ZMIZ1: variants seen among roughly 807,000 people sequenced by gnomAD.
The protein encoded by ZMIZ1 is zinc finger MIZ domain-containing protein 1.
ZMIZ1 carries 17 observed loss-of-function variants against 113.9 expected under a neutral mutation model. The observed-to-expected ratio is 0.15, with a 90% CI of 0.10 to 0.22. ZMIZ1 has a LOEUF of 0.22. ZMIZ1 is among the 10% of genes least tolerant of loss of function. ZMIZ1 has a pLI of 1.00. For missense variants in ZMIZ1, 1,059 were observed against 1,477.8 expected, an observed-to-expected ratio of 0.72 and a Z score of 4.65; for synonymous variants, 607 against 603.1, an observed-to-expected ratio of 1.01 and a Z score of -0.09.
chr10:79,246,635 G>C (rs1205868253), intron 7 of ZMIZ1, among the ~76,000 whole-genome samples: 2 of 152,132 alleles, frequency 1.3e-5, no homozygotes, highest in African/African-American at 4.8e-5. Flanking sequence ...CTCTTGCCCC[G>C]CCACACCGTG....
intron 18 of ZMIZ1, among the ~76,000 whole-genome samples, chr10:79,303,478 A>T (rs909297761): frequency 1.4e-5 from 2 of 147,286 alleles, no homozygotes; most frequent in Non-Finnish European, 3.0e-5. Flanking sequence ...AAAAAAAAAA[A>T]TTGGGATGGA....
chr10:79,307,451 C>T lies in ZMIZ1; in HGVS notation c.2715C>T (p.Asn905=). Reference sequence around the variant, plus strand: ...GCAACTTTGACTTCCCCCACGGGAACCCTGGAGGGACATCCATGAATGACT... The same window carrying T: ...GCAACTTTGACTTCCCCCACGGGAATCCTGGAGGGACATCCATGAATGACT... ...GHGNFDFPHG[N]PGGTSMNDFM... Residue 905 remains asparagine (N), a synonymous_variant, in exon 23 of 25, where the codon AAC becomes AAT. Transcript: ENST00000334512. 1 of 1,613,126 alleles carries T rather than the reference C, an allele frequency of 6.2e-7. No homozygotes were observed. The highest frequency in any genetic ancestry group is 8.5e-7 in the Non-Finnish European group (1 of 1,179,602).
intron 4 of ZMIZ1, among the ~76,000 whole-genome samples, chr10:79,196,242 C>T (rs1218499097): frequency 6.6e-6 from 1 of 152,232 alleles, no homozygotes; most frequent in African/African-American, 2.4e-5. Flanking sequence ...GGACACAGCG[C>T]TGTCCCTGTG....
chr10:79,197,447 G>A (rs148646900), intron 4 of ZMIZ1, among the ~76,000 whole-genome samples: 1 of 152,184 alleles, frequency 6.6e-6, no homozygotes, highest in Non-Finnish European at 1.5e-5. Flanking sequence ...ACCATGGTTT[G>A]TCCCTGACCC....
chr10:79,097,101 C>T (rs1843192349), intron 1 of ZMIZ1, among the ~76,000 whole-genome samples: 1 of 152,210 alleles, frequency 6.6e-6, no homozygotes, highest in Admixed American at 6.5e-5. Flanking sequence ...GCTCCACTTG[C>T]CCCCGGGTCG....
intron 3 of ZMIZ1, among the ~76,000 whole-genome samples, chr10:79,149,909 G>A (rs1439564209): frequency 6.6e-6 from 1 of 152,210 alleles, no homozygotes; most frequent in Non-Finnish European, 1.5e-5. Flanking sequence ...CAGCACTTTT[G>A]TCGAGGCCTC....
chr10:79,206,932 A>G (rs1205648539), intron 5 of ZMIZ1, among the ~76,000 whole-genome samples: 1 of 152,232 alleles, frequency 6.6e-6, no homozygotes, highest in Non-Finnish European at 1.5e-5. Context: ...CTTGCCTCGC[A>G]TGAACTACAT....
chr10:79,290,239 G>A (rs188521859), intron 9 of ZMIZ1, among the ~76,000 whole-genome samples: 4 of 152,230 alleles, frequency 2.6e-5, no homozygotes, highest in Non-Finnish European at 5.9e-5. Flanking sequence ...GACCCTGGAT[G>A]TATGGCCTGA....
chr10:79,160,598 C>T lies in ZMIZ1; in HGVS notation c.-130-1455C>T, dbSNP rs569448004. Among the ~76,000 whole-genome samples, 8 of 152,372 alleles carry T rather than the reference C, an allele frequency of 5.3e-5. No individual in the cohort carries two copies. The East Asian group carries it at 5.8e-4, about 11-fold the overall frequency. ...CCAAGTCACACACTTGGTACGAGGG[C>T]GAAGCCAAGATTTGAAGCAGATCCT... is the stretch of plus-strand genomic sequence containing the variant. On this transcript the variant is annotated intron_variant, in intron 3 of 24. Transcript: ENST00000334512.
chr10:79,093,300 T>C (rs1843053541), intron 1 of ZMIZ1, among the ~76,000 whole-genome samples: 1 of 67,450 alleles, frequency 1.5e-5, no homozygotes, highest in Non-Finnish European at 3.5e-5. Context: ...TTTATTTATT[T>C]ATTTATTTAT....
chr10:79,305,746 A>G, intron 21 of ZMIZ1, 145 bp downstream of exon 21: 1 of 854,710 alleles, frequency 1.2e-6, no homozygotes, highest in East Asian at 2.6e-5. Context: ...TCTGTCCCTT[A>G]CCCTCGGGGG....
chr10:79,290,541 C>T (rs756195952), intron 9 of ZMIZ1, among the ~76,000 whole-genome samples: 4 of 152,222 alleles, frequency 2.6e-5, no homozygotes, highest in African/African-American at 4.8e-5. Flanking sequence ...AGAGCAGCAG[C>T]CAGGGGCCTT....
At chr10:79,242,872 A>G (rs1849926450) in intron 7 of ZMIZ1, among the ~76,000 whole-genome samples, 1 of 151,764 alleles carries the variant, frequency 6.6e-6, no homozygotes, top group Non-Finnish European at 1.5e-5. Flanking sequence ...CACCAGCACC[A>G]CCCCTGCGTG....
intron 2 of ZMIZ1, among the ~76,000 whole-genome samples, chr10:79,122,567 T>C (rs1257178916): frequency 6.6e-6 from 1 of 152,140 alleles, no homozygotes; most frequent in Non-Finnish European, 1.5e-5. Context: ...AGGTTAGATG[T>C]CATGCAGATT....
intron 7 of ZMIZ1, among the ~76,000 whole-genome samples, chr10:79,264,156 G>T (rs755102172): frequency 5.3e-5 from 8 of 152,216 alleles, no homozygotes; most frequent in Non-Finnish European, 7.3e-5. Context: ...GTGTGGCTCA[G>T]TTCTCACCTT....
chr10:79,171,442 C>A (rs184496518), intron 4 of ZMIZ1, among the ~76,000 whole-genome samples: 2 of 152,336 alleles, frequency 1.3e-5, no homozygotes, highest in East Asian at 3.9e-4. Context: ...GGTACAGCAC[C>A]CACCTTCAGG....
At chr10:79,133,142 T>C (rs1160700518) in intron 2 of ZMIZ1, among the ~76,000 whole-genome samples, 1 of 152,204 alleles carries the variant, frequency 6.6e-6, no homozygotes, top group East Asian at 1.9e-4. Context: ...CACCCCCTAG[T>C]ACACTCTTTT....
chr10:79,276,748 C>A (rs538572697), intron 7 of ZMIZ1, among the ~76,000 whole-genome samples: 1 of 152,120 alleles, frequency 6.6e-6, no homozygotes, highest in African/African-American at 2.4e-5. Context: ...TGCCTCTGAT[C>A]GAAGTGTGAG....
At chr10:79,157,034 A>C (rs1156637885) in intron 3 of ZMIZ1, among the ~76,000 whole-genome samples, 8 of 74,096 alleles carry the variant, frequency 1.1e-4, no homozygotes, top group Admixed American at 2.8e-4. Flanking sequence ...GGTGGCTCTC[A>C]GAGAAGGCAG....
Sources: allele counts gnomAD v4.1 joint callset (sites outside exome capture counted in the v4.1 genomes callset), GRCh38; gene constraint gnomAD v4.1.1; transcripts MANE v1.5; gene names NCBI Gene and HGNC (gene_info 2026-07-23, HGNC 2026-07-21).